Variants in BABAM2 observed in about 807,000 individuals in gnomAD.
The protein encoded by BABAM2 is BRISC and BRCA1 A complex member 2.
BABAM2 carries 31 observed loss-of-function variants against 54.7 expected under a neutral mutation model. That is an observed-to-expected ratio of 0.57 (90% CI 0.43 to 0.77). The LOEUF (loss-of-function observed/expected upper bound fraction) is 0.77. BABAM2 is among the 30% of genes least tolerant of loss of function. The pLI, the probability that BABAM2 is intolerant of heterozygous loss-of-function variation, is 0.00. For synonymous variants in BABAM2, 167 were observed against 162.9 expected (o/e 1.03, Z -0.19); for missense variants, 364 against 455.8 (o/e 0.80, Z 1.83).
intron 5 of BABAM2, among the ~76,000 whole-genome samples, chr2:28,040,950 A>T (rs1244848769): frequency 6.6e-6 from 1 of 152,330 alleles, no homozygotes; most frequent in East Asian, 1.9e-4. Context: ...TAAAGTAGGG[A>T]TCATCTAAGA....
At chr2:28,285,853 G>A (rs1167240422) in intron 10 of BABAM2, among the ~76,000 whole-genome samples, 2 of 151,900 alleles carry the variant, frequency 1.3e-5, no homozygotes, top group African/African-American at 4.8e-5. Context: ...ACAGGCATGA[G>A]CCACCACACC....
At chr2:27,893,641 G>A (rs1408363889) in intron 1 of BABAM2, among the ~76,000 whole-genome samples, 1 of 152,176 alleles carries the variant, frequency 6.6e-6, no homozygotes, top group Non-Finnish European at 1.5e-5. Context: ...ACCCTGCAGG[G>A]AAGAGATCAC....
intron 3 of BABAM2, among the ~76,000 whole-genome samples, chr2:27,952,345 T>C (rs1158204598): frequency 6.6e-6 from 1 of 152,218 alleles, no homozygotes; most frequent in East Asian, 1.9e-4. Flanking sequence ...AAGAAATGCT[T>C]ACATTTCTAT....
At chr2:28,316,618 C>A (rs1245504603) in intron 11 of BABAM2, among the ~76,000 whole-genome samples, 1 of 152,116 alleles carries the variant, frequency 6.6e-6, no homozygotes, top group African/African-American at 2.4e-5. Flanking sequence ...ATGAAGACAG[C>A]CTTTGTGGTC....
intron 2 of BABAM2, among the ~76,000 whole-genome samples, chr2:27,919,237 A>G (rs768798351): frequency 2.6e-5 from 4 of 152,214 alleles, no homozygotes; most frequent in Non-Finnish European, 5.9e-5. Context: ...CTAAACCCAC[A>G]TATTCATTCC....
Position 27,894,597 on chromosome 2 carries a change from T to C in BABAM2, c.41T>C (p.Leu14Pro). Reference sequence around the variant, plus strand: ...GCCTTGAACCGAATATCTCCAATGCTCTCCCCTTTCATATCTAGCGTGGTC... The same window carrying C: ...GCCTTGAACCGAATATCTCCAATGCCCTCCCCTTTCATATCTAGCGTGGTC... ...EVALNRISPM[L>P]SPFISSVVRN... The change falls in exon 2 of 12, where the codon CTC becomes CCC. Residue 14 changes from leucine (L) to proline (P), a missense_variant. Transcript: ENST00000379624. The C allele has an allele frequency of 2.5e-6, 4 of 1,613,998 alleles. No individual in the cohort carries two copies. Among genetic ancestry groups the C allele is most frequent in the Non-Finnish European group, 3.4e-6 (4 of 1,179,876 alleles).
chr2:28,005,761 T>C (rs1181394106), intron 4 of BABAM2, among the ~76,000 whole-genome samples: 2 of 152,128 alleles, frequency 1.3e-5, no homozygotes, highest in Non-Finnish European at 2.9e-5. Flanking sequence ...TGGGGTATTG[T>C]ATAATGAATC....
chr2:27,890,440 C>A (rs957832741), upstream of BABAM2: 2 of 1,267,392 alleles, frequency 1.6e-6, no homozygotes, highest in Non-Finnish European at 2.2e-6. The surrounding 1 kb of genome is among the most constrained non-coding windows in gnomAD (Gnocchi z 4.8). Context: ...CCTAACGACG[C>A]GGGCCTTTCA....
intron 2 of BABAM2, among the ~76,000 whole-genome samples, chr2:27,929,555 A>G (rs1251977602): frequency 1.3e-5 from 2 of 152,228 alleles, no homozygotes; most frequent in African/African-American, 2.4e-5. Flanking sequence ...AAAAGTCGAG[A>G]TATGCCTCTT....
intron 4 of BABAM2, among the ~76,000 whole-genome samples, chr2:28,021,876 T>C (rs1161873189): frequency 1.3e-5 from 2 of 151,870 alleles, no homozygotes; most frequent in African/African-American, 4.8e-5. Context: ...CCCACAGACA[T>C]GGACAGACTA....
At chr2:28,077,690 T>C (rs1664808105) in intron 6 of BABAM2, among the ~76,000 whole-genome samples, 1 of 152,082 alleles carries the variant, frequency 6.6e-6, no homozygotes, top group Admixed American at 6.6e-5. Context: ...TCTCTTTATT[T>C]CCTAACCTCC....
At chr2:28,213,423 A>G (rs1679650360) in intron 7 of BABAM2, among the ~76,000 whole-genome samples, 1 of 152,108 alleles carries the variant, frequency 6.6e-6, no homozygotes, top group African/African-American at 2.4e-5. Flanking sequence ...GCAAATTGTT[A>G]GAAGTAATGG....
chr2:28,032,702 G>A (rs1056952719), intron 5 of BABAM2, among the ~76,000 whole-genome samples: 1 of 152,014 alleles, frequency 6.6e-6, no homozygotes, highest in African/African-American at 2.4e-5. Flanking sequence ...CTCTAAACAG[G>A]TGAAAACAGA....
intron 6 of BABAM2, among the ~76,000 whole-genome samples, chr2:28,101,818 C>A (rs865817225): frequency 2.6e-4 from 39 of 149,360 alleles, no homozygotes; most frequent in Middle Eastern, 3.4e-3. Context: ...GGCAATAGAC[C>A]CCAAACCTGG....
chr2:28,299,043 C>T (rs541370867), intron 11 of BABAM2, among the ~76,000 whole-genome samples: 11 of 152,240 alleles, frequency 7.2e-5, no homozygotes, highest in Admixed American at 1.3e-4. Flanking sequence ...CACCTGGAGC[C>T]GGTAGCTACT....
At chr2:28,247,877 A>T (rs1056758652) in intron 10 of BABAM2, among the ~76,000 whole-genome samples, 1 of 152,242 alleles carries the variant, frequency 6.6e-6, no homozygotes, top group Admixed American at 6.5e-5. Flanking sequence ...AGCATTGCAC[A>T]GATTCTGGGA....
At chr2:28,030,983 A>T (rs987792519) in intron 5 of BABAM2, among the ~76,000 whole-genome samples, 28 of 152,212 alleles carry the variant, frequency 1.8e-4, no homozygotes, top group African/African-American at 6.8e-4. Context: ...GTTATAAATA[A>T]CAACATCCTG....
chr2:28,187,662 A>ATTTTTT lies in BABAM2; in HGVS notation c.681-49522_681-49517dup, dbSNP rs35839748. Among the ~76,000 whole-genome samples, 73 of 99,110 alleles carry ATTTTTT rather than the reference A, an allele frequency of 7.4e-4. 1 individual carries two copies. The highest frequency in any genetic ancestry group is 1.8e-3 in the East Asian group (6 of 3,270). 65.0% of individuals were successfully genotyped at this position (99,110 alleles called of 152,430 possible). Reference sequence around the variant, plus strand: ...CATTCTCCTAAAACAGAACTTTGGAATTTTTTTTTTTTTTTTTTTTTTTGA... The same window carrying ATTTTTT: ...CATTCTCCTAAAACAGAACTTTGGAATTTTTTTTTTTTTTTTTTTTTTTTTTTTTGA... On this transcript the variant is annotated intron_variant, in intron 7 of 11. Transcript: ENST00000379624.
At chr2:27,994,259 A>G (rs1472446280) in intron 4 of BABAM2, among the ~76,000 whole-genome samples, 1 of 152,228 alleles carries the variant, frequency 6.6e-6, no homozygotes, top group African/African-American at 2.4e-5. Flanking sequence ...TGTGGTAAGT[A>G]CCAGGGACTT....
Sources: gnomAD v4.1 joint callset for allele counts (sites outside exome capture counted in the v4.1 genomes callset) on GRCh38, gnomAD v4.1.1 for gene constraint, Gnocchi (gnomAD v3.1) non-coding constraint, MANE v1.5 for transcripts, NCBI Gene and HGNC (gene_info 2026-07-23, HGNC 2026-07-21) for gene names.